SPOCK3: variants seen among roughly 807,000 people sequenced by gnomAD.
SPOCK3 encodes the protein SPARC (osteonectin), cwcv and kazal like domains proteoglycan 3.
Under a neutral mutation model 56.6 loss-of-function variants are expected in SPOCK3, and 30 were observed. The observed-to-expected ratio is 0.53, with a 90% CI of 0.40 to 0.72. SPOCK3 has a LOEUF of 0.72. Ranked by LOEUF, SPOCK3 falls within the 30% of genes least tolerant of loss-of-function variation. SPOCK3 has a pLI of 0.00. For synonymous variants in SPOCK3, 196 were observed against 183.3 expected (o/e 1.07, Z -0.56); for missense variants, 527 against 530.0 (o/e 0.99, Z 0.06).
At chr4:167,226,474 G>A (rs1221922583) in intron 2 of SPOCK3, among the ~76,000 whole-genome samples, 4 of 152,128 alleles carry the variant, frequency 2.6e-5, no homozygotes, top group South Asian at 4.1e-4. Flanking sequence ...CAGAGGACAC[G>A]GGGATGGAGA....
chr4:166,917,404 C>T (rs900822022), intron 4 of SPOCK3, among the ~76,000 whole-genome samples: 3 of 151,976 alleles, frequency 2.0e-5, no homozygotes, highest in South Asian at 2.1e-4. Context: ...AAATTGTAAT[C>T]CCCACGTGTC....
chr4:166,940,866 C>T (rs190015816), intron 4 of SPOCK3, among the ~76,000 whole-genome samples: 10 of 147,896 alleles, frequency 6.8e-5, no homozygotes, highest in African/African-American at 1.7e-4. Context: ...TTATGAAGAA[C>T]GTAAGACCCT....
chr4:166,814,133 A>G (rs1004149145), intron 6 of SPOCK3, among the ~76,000 whole-genome samples: 8 of 152,110 alleles, frequency 5.3e-5, no homozygotes, highest in Non-Finnish European at 1.5e-5. Flanking sequence ...CTTCTTCACT[A>G]TGAAAATGCT....
In SPOCK3 at chr4:167,049,372, A is replaced by G. The variant is rs1230328775; in HGVS notation, c.235+13120T>C. On this transcript the variant is annotated intron_variant, in intron 3 of 10. Coordinates refer to ENST00000357545, the MANE Select transcript of SPOCK3 (RefSeq NM_001040159.2). ...ACAAAACAAAGTATACTGTCTAAAG[A>G]TTGGAAGTGAAGTACAGGTTGATTA... Among the ~76,000 whole-genome samples the G allele has an allele frequency of 6.6e-5, 10 of 152,292 alleles. No individual in the cohort carries two copies. The East Asian group carries it at 1.7e-3, about 26-fold the overall frequency.
intron 2 of SPOCK3, among the ~76,000 whole-genome samples, chr4:167,201,927 T>A (rs560340815): frequency 1.3e-5 from 2 of 152,140 alleles, no homozygotes; most frequent in African/African-American, 4.8e-5. Flanking sequence ...GTTTTATATA[T>A]TGTTATCATA....
chr4:166,751,714 G>A (rs1386013113), intron 8 of SPOCK3, among the ~76,000 whole-genome samples: 1 of 152,052 alleles, frequency 6.6e-6, no homozygotes, highest in South Asian at 2.1e-4. Flanking sequence ...TTACACAACA[G>A]CGTTTTCAAT....
intron 3 of SPOCK3, among the ~76,000 whole-genome samples, chr4:167,051,719 G>A (rs1754220574): frequency 6.6e-6 from 1 of 152,144 alleles, no homozygotes; most frequent in Non-Finnish European, 1.5e-5. Context: ...CCCAATCATT[G>A]GTTATCAGGG....
intron 10 of SPOCK3, among the ~76,000 whole-genome samples, chr4:166,736,551 T>C (rs934641143): frequency 4.6e-5 from 7 of 152,172 alleles, no homozygotes; most frequent in African/African-American, 7.2e-5. Flanking sequence ...ATTACTTTTA[T>C]TGTTTATCTT....
chr4:167,161,439 G>T (rs867043057), intron 2 of SPOCK3, among the ~76,000 whole-genome samples: 5 of 152,214 alleles, frequency 3.3e-5, no homozygotes, highest in African/African-American at 9.7e-5. Context: ...GACACTGTTG[G>T]TGGGACTGTA....
intron 4 of SPOCK3, 90 bp from the exon 5 acceptor site, chr4:166,912,833 A>G: frequency 9.2e-7 from 1 of 1,087,672 alleles, no homozygotes; most frequent in Non-Finnish European, 1.3e-6. Context: ...CTGCCATTCC[A>G]ACTCCTGAAG....
At chr4:167,119,688 A>G in intron 2 of SPOCK3, 1 of 774,992 alleles carries the variant, frequency 1.3e-6, no homozygotes, top group Non-Finnish European at 2.0e-6. Flanking sequence ...ATATCAGAAA[A>G]ACAACACATT....
chr4:166,735,074 G>A lies in SPOCK3; in HGVS notation c.1149C>T (p.Ile383=), dbSNP rs746969571. 2 of 1,602,820 alleles carry A rather than the reference G, an allele frequency of 1.2e-6. No homozygotes were observed. Among genetic ancestry groups the A allele is most frequent in the South Asian group, 2.2e-5 (2 of 89,274 alleles). ...AATCGCCACTAGCAAAATCTCCGGA[G>A]ATCTCAAAATCTATAGCTTAAAACA... ...GVADCAIDFE[I]SGDFASGDFH... is the part of the protein sequence containing the mutation. The change falls in exon 11 of 11, where the codon ATC becomes ATT. Residue 383 remains isoleucine, a synonymous_variant. Transcript: ENST00000357545.
At chr4:166,806,229 A>G (rs1743151784) in intron 6 of SPOCK3, among the ~76,000 whole-genome samples, 1 of 152,184 alleles carries the variant, frequency 6.6e-6, no homozygotes, top group Non-Finnish European at 1.5e-5. Flanking sequence ...GTTATTTATT[A>G]GTGTCTCAAA....
intron 8 of SPOCK3, among the ~76,000 whole-genome samples, chr4:166,743,051 T>A (rs930037499): frequency 6.6e-6 from 1 of 152,140 alleles, no homozygotes; most frequent in Non-Finnish European, 1.5e-5. Flanking sequence ...TGTTCACAAG[T>A]GGTCCTGAGA....
At chr4:166,806,407 CT>C (rs541500994) in intron 6 of SPOCK3, among the ~76,000 whole-genome samples, 136 of 152,018 alleles carry the variant, frequency 8.9e-4, no homozygotes, top group African/African-American at 3.2e-3. Flanking sequence ...TTGTTTATTT[CT>C]TTCTCAGGCA....
chr4:166,912,467 A>G (rs1737387925), intron 5 of SPOCK3, among the ~76,000 whole-genome samples, 153 bp downstream of exon 5: 1 of 152,196 alleles, frequency 6.6e-6, no homozygotes, highest in Admixed American at 6.6e-5. Flanking sequence ...ACAAATGCAC[A>G]TTGAATCATA....
intron 6 of SPOCK3, among the ~76,000 whole-genome samples, chr4:166,844,095 G>GTGGT (rs1385266933): frequency 7.2e-5 from 11 of 152,318 alleles, no homozygotes; most frequent in Admixed American, 7.2e-4. Context: ...CAGACTGAAA[G>GTGGT]TGGTTCTAAG....
At chr4:166,958,448 C>T in intron 4 of SPOCK3, among the ~76,000 whole-genome samples, 1 of 152,134 alleles carries the variant, frequency 6.6e-6, no homozygotes, top group African/African-American at 2.4e-5. Context: ...ACCTCCTTTG[C>T]CACTAATCTG....
chr4:167,052,226 A>G (rs1754293681), intron 3 of SPOCK3, among the ~76,000 whole-genome samples: 1 of 152,204 alleles, frequency 6.6e-6, no homozygotes, highest in African/African-American at 2.4e-5. Flanking sequence ...TAAGAATTGG[A>G]TAATGAAATA....
Sources: allele counts gnomAD v4.1 joint callset (sites outside exome capture counted in the v4.1 genomes callset), GRCh38; gene constraint gnomAD v4.1.1; transcripts MANE v1.5; gene names NCBI Gene and HGNC (gene_info 2026-07-23, HGNC 2026-07-21).